TMEM91: variants seen among roughly 807,000 people sequenced by gnomAD.
TMEM91 encodes the protein dispanin subfamily C member 3.
A neutral mutation model predicts 13.3 loss-of-function variants in TMEM91; 6 were observed. The ratio of observed to expected loss-of-function variants is 0.45; its 90% CI spans 0.25 to 0.89. TMEM91 has a LOEUF of 0.89. Among genes scored for constraint, TMEM91 ranks in the 40% least tolerant of loss-of-function variants. TMEM91 has a pLI of 0.19. For missense variants in TMEM91, 193 were observed against 228.7 expected, an observed-to-expected ratio of 0.84 and a Z score of 1.01; for synonymous variants, 87 against 101.7, an observed-to-expected ratio of 0.86 and a Z score of 0.87.
chr19:41,376,197 G>A (rs531718515), upstream of TMEM91: 7 of 152,422 alleles, frequency 4.6e-5, no homozygotes, highest in East Asian at 3.9e-4. Context: ...AAAACCCGGA[G>A]CTGAGAGGAA....
At chr19:41,370,139 A>G (rs1043320232) in intron 1 of TMEM91, among the ~76,000 whole-genome samples, 17 of 152,096 alleles carry the variant, frequency 1.1e-4, no homozygotes, top group Middle Eastern at 3.4e-3. Flanking sequence ...GTGCAATGGC[A>G]TGATCTCAGC....
At chr19:41,381,076 C>CA (rs1166323642) in intron 2 of TMEM91, among the ~76,000 whole-genome samples, 1,756 of 52,612 alleles carry the variant, frequency 0.033, 85 homozygotes, top group African/African-American at 0.061. Context: ...GACTCTGTCT[C>CA]AAAAAAAAAA....
chr19:41,383,386 C>A, intron 3 of TMEM91: 1 of 798,632 alleles, frequency 1.3e-6, no homozygotes, highest in Non-Finnish European at 1.7e-6. Flanking sequence ...CACTTAACTT[C>A]CCTGTGCCTC....
intron 1 of TMEM91, among the ~76,000 whole-genome samples, chr19:41,367,566 G>C: frequency 6.6e-6 from 1 of 152,184 alleles, no homozygotes; most frequent in East Asian, 1.9e-4. Context: ...GGGAGGCGGA[G>C]GTTGCAGTGA....
chr19:41,364,583 G>A (rs1300542253), intron 1 of TMEM91, among the ~76,000 whole-genome samples: 2 of 152,004 alleles, frequency 1.3e-5, no homozygotes, highest in Non-Finnish European at 2.9e-5. Context: ...GAGTGGAGAA[G>A]TTGGGGAGTG....
At position 41,383,860 on chromosome 19, in the gene TMEM91, G is replaced by C; in HGVS notation, c.506G>C (p.Arg169Pro). 1 of 1,608,424 alleles carries C rather than the reference G, an allele frequency of 6.2e-7. No homozygotes were observed. The highest frequency in any genetic ancestry group is 1.1e-5 in the South Asian group (1 of 90,342). Residue 169 changes from arginine to proline, a missense_variant, in exon 4 of 4, where the codon CGA becomes CCA. Arg to Pro is a moderately radical substitution (Grantham distance 103). Coordinates refer to ENST00000392002, the MANE Select transcript of TMEM91 (RefSeq NM_001098821.2). ...LVTLAAYLASRDPP is the reference protein window; with the variant it reads ...LVTLAAYLASPDPP ...ACCCTGGCTGCCTACCTTGCCTCCC[G>C]AGACCCGCCCTAGTTGCCCCTACAG...
chr19:41,378,247 T>C (rs763933649), intron 1 of TMEM91, 34 bp from the exon 2 acceptor site: 1 of 1,537,972 alleles, frequency 6.5e-7, no homozygotes, highest in South Asian at 1.2e-5. Context: ...AGTGAGACTT[T>C]TACAACTTGT....
intron 3 of TMEM91, 156 bp downstream of exon 3, chr19:41,383,077 T>G (rs1384638694): frequency 9.1e-7 from 1 of 1,103,518 alleles, no homozygotes; most frequent in Non-Finnish European, 1.3e-6. Flanking sequence ...AGATTTTTTT[T>G]GAGTCTCACT....
chr19:41,383,242 C>T (rs544755231), intron 3 of TMEM91: 5 of 404,560 alleles, frequency 1.2e-5, no homozygotes, highest in African/African-American at 4.1e-5. Flanking sequence ...TTAATAAAGA[C>T]GGGGTTTCAC....
chr19:41,368,936 G>A (rs567584235), intron 1 of TMEM91, among the ~76,000 whole-genome samples: 1 of 151,896 alleles, frequency 6.6e-6, no homozygotes, highest in South Asian at 2.1e-4. Context: ...ACAACATGAT[G>A]AAACCCCATC....
At chr19:41,380,942 T>C (rs1033879475) in intron 2 of TMEM91, among the ~76,000 whole-genome samples, 1 of 138,734 alleles carries the variant, frequency 7.2e-6, no homozygotes, top group African/African-American at 2.8e-5. Flanking sequence ...AAAAATTAGC[T>C]GGCCGTGGTG....
intron 1 of TMEM91, among the ~76,000 whole-genome samples, chr19:41,368,295 C>T (rs1244881702): frequency 6.6e-6 from 1 of 151,916 alleles, no homozygotes; most frequent in African/African-American, 2.4e-5. Context: ...CACATGTCTG[C>T]AGTCCCATCT....
Position 41,383,856 on chromosome 19 carries a change from TC to T in TMEM91, c.505del (p.Arg169GlufsTer15). 6.2e-7 allele frequency: 1 copy of T among 1,607,598 alleles called. No individual in the cohort carries two copies. The highest frequency in any genetic ancestry group is 1.7e-5 in the Admixed American group (1 of 59,210). On this transcript the variant is annotated frameshift_variant, in exon 4 of 4. Coordinates refer to ENST00000392002, the MANE Select transcript of TMEM91 (RefSeq NM_001098821.2). LOFTEE classifies it high-confidence loss of function. ...ALVTLAAYLA[S>X]RDPP ...GGTGACCCTGGCTGCCTACCTTGCC[TC>T]CCGAGACCCGCCCTAGTTGCCCCTA...
intron 1 of TMEM91, among the ~76,000 whole-genome samples, chr19:41,370,839 A>AT (rs1568489285): frequency 6.6e-6 from 1 of 151,776 alleles, no homozygotes; most frequent in African/African-American, 2.4e-5. Context: ...AGTAGCTGGG[A>AT]TTACAGGCAT....
chr19:41,366,860 G>A (rs932902737), intron 1 of TMEM91, among the ~76,000 whole-genome samples: 3 of 152,194 alleles, frequency 2.0e-5, no homozygotes, highest in South Asian at 4.1e-4. Context: ...GATTGAGGCC[G>A]GATTCGGTGG....
chr19:41,379,741 G>A (rs982007903), intron 2 of TMEM91, among the ~76,000 whole-genome samples: 3 of 151,978 alleles, frequency 2.0e-5, no homozygotes, highest in Admixed American at 1.3e-4. Context: ...GAACTCTTAC[G>A]GTTTCTGTTG....
intron 2 of TMEM91, among the ~76,000 whole-genome samples, chr19:41,381,273 C>G (rs190537893): frequency 1.0e-3 from 157 of 151,758 alleles, no homozygotes; most frequent in African/African-American, 3.6e-3. Flanking sequence ...TCACTGGAGT[C>G]TCAAACTGCT....
At chr19:41,375,021 C>G (rs1429990154), upstream of TMEM91, among the ~76,000 whole-genome samples, 2 of 152,162 alleles carry the variant, frequency 1.3e-5, no homozygotes, top group East Asian at 3.9e-4. Context: ...GAAACCAGGT[C>G]TATGTGGGTC....
At chr19:41,366,296 C>T (rs1010613048) in intron 1 of TMEM91, among the ~76,000 whole-genome samples, 24 of 152,048 alleles carry the variant, frequency 1.6e-4, no homozygotes, top group African/African-American at 4.8e-4. Context: ...ATTCTCTTTT[C>T]TCAAGCCCCC....
Sources: gnomAD v4.1 joint callset for allele counts (sites outside exome capture counted in the v4.1 genomes callset) on GRCh38, gnomAD v4.1.1 for gene constraint, MANE v1.5 for transcripts, NCBI Gene and HGNC (gene_info 2026-07-23, HGNC 2026-07-21) for gene names.